Variants in SLC5A12 observed in about 807,000 individuals in gnomAD.
SLC5A12 encodes the protein solute carrier family 5 member 12.
A neutral mutation model predicts 72.7 loss-of-function variants in SLC5A12; 46 were observed. That is an observed-to-expected ratio of 0.63 (90% CI 0.50 to 0.81). The LOEUF is 0.81. SLC5A12 is among the 30% of genes least tolerant of loss of function. SLC5A12 has a pLI of 0.00. For missense variants in SLC5A12, 683 were observed against 740.7 expected (o/e 0.92, Z 0.90); for synonymous variants, 275 against 264.4 (o/e 1.04, Z -0.39).
At chr11:26,712,749 TA>T in intron 1 of SLC5A12, 43 bp from the exon 2 acceptor site, 1 of 1,423,592 alleles carries the variant, frequency 7.0e-7, no homozygotes, top group Non-Finnish European at 9.8e-7. Flanking sequence ...GAGGTTTAGA[TA>T]AGAACTGCTA....
chr11:26,697,031 G>A (rs762771811), intron 8 of SLC5A12, 133 bp downstream of exon 8: 6 of 738,918 alleles, frequency 8.1e-6, no homozygotes, highest in Non-Finnish European at 1.4e-5. Context: ...ACCAATTAAT[G>A]AGCAAATACA....
rs762589598 is a variant in SLC5A12 at position 26,678,816 on chromosome 11, C to G, written c.1476-1G>C. On this transcript the variant is annotated splice_acceptor_variant, in intron 12 of 14. Coordinates refer to ENST00000396005, the MANE Select transcript of SLC5A12 (RefSeq NM_178498.4). LOFTEE classifies it high-confidence loss of function. ...GTACCAGGTATCAGCTATTCCAGGT[C>G]TGTGGAGAACAGCACATGTCACCAA... 1.2e-6 allele frequency: 2 copies of G among 1,602,942 alleles called. No homozygotes were observed. The highest frequency in any genetic ancestry group is 1.7e-6 in the Non-Finnish European group (2 of 1,171,008).
chr11:26,681,240 G>A lies in SLC5A12; in HGVS notation c.1309-19C>T. 6.5e-7 allele frequency: 1 copy of A among 1,539,026 alleles called. No individual in the cohort carries two copies. Among genetic ancestry groups the A allele is most frequent in the South Asian group, 1.2e-5 (1 of 80,684 alleles). ...GTGCACCCTGGATGAAGAAGAAAAA[G>A]GTTAATGGGAAATTTGGCAAAGCTG... On this transcript the variant is annotated intron_variant, in intron 11 of 14. Transcript: ENST00000396005.
chr11:26,676,458 A>G (rs12420230), intron 13 of SLC5A12, among the ~76,000 whole-genome samples: 13,225 of 152,090 alleles, frequency 0.087, 783 homozygotes, highest in Admixed American at 0.2. Flanking sequence ...ATAACTAAAG[A>G]TTTTATATCT....
At chr11:26,708,324 T>C (rs969999828) in intron 4 of SLC5A12, among the ~76,000 whole-genome samples, 1 of 151,994 alleles carries the variant, frequency 6.6e-6, no homozygotes, top group African/African-American at 2.4e-5. Context: ...GAGTCTATTC[T>C]TTTAGCATAG....
At chr11:26,712,452 T>A (rs1275197035) in intron 2 of SLC5A12, among the ~76,000 whole-genome samples, 189 bp downstream of exon 2, 1 of 152,120 alleles carries the variant, frequency 6.6e-6, no homozygotes, top group African/African-American at 2.4e-5. Context: ...ACGGCTTTTT[T>A]TCCCTTTGTG....
At chr11:26,686,639 G>C in intron 9 of SLC5A12, 95 bp from the exon 10 acceptor site, 4 of 1,107,652 alleles carry the variant, frequency 3.6e-6, no homozygotes, top group Middle Eastern at 4.0e-4. Flanking sequence ...TCTGATCCAA[G>C]CCCTTTGCAA....
intron 14 of SLC5A12, 69 bp from the exon 15 acceptor site, chr11:26,671,320 C>T: frequency 1.5e-6 from 2 of 1,376,336 alleles, no homozygotes; most frequent in South Asian, 1.5e-5. Flanking sequence ...CTGAGAGAAT[C>T]TTGTTTAGGC....
chr11:26,678,552 G>A (rs12793773), intron 13 of SLC5A12, among the ~76,000 whole-genome samples, 160 bp downstream of exon 13: 50,619 of 151,746 alleles, frequency 0.33, 8,940 homozygotes, highest in East Asian at 0.42. Flanking sequence ...AATAATGAAG[G>A]GTGCCTTTGT....
At chr11:26,681,657 C>T (rs1032157922) in intron 11 of SLC5A12, among the ~76,000 whole-genome samples, 5 of 152,022 alleles carry the variant, frequency 3.3e-5, no homozygotes, top group African/African-American at 4.8e-5. Flanking sequence ...CAGCAGAGTC[C>T]CCTGACTCCC....
At chr11:26,684,018 G>A (rs932898202) in intron 10 of SLC5A12, among the ~76,000 whole-genome samples, 175 bp from the exon 11 acceptor site, 3 of 136,206 alleles carry the variant, frequency 2.2e-5, no homozygotes, top group African/African-American at 8.1e-5. Context: ...GATAAGCACT[G>A]TATTTATGTA....
chr11:26,676,366 A>C (rs1394860060), intron 13 of SLC5A12, among the ~76,000 whole-genome samples: 57 of 124,716 alleles, frequency 4.6e-4, no homozygotes, highest in African/African-American at 6.6e-4. Context: ...AAACAAAAAA[A>C]AAAAAAAAAA....
intron 10 of SLC5A12, among the ~76,000 whole-genome samples, chr11:26,685,779 C>G (rs1854518321): frequency 6.6e-6 from 1 of 152,204 alleles, no homozygotes; most frequent in Non-Finnish European, 1.5e-5. Context: ...AGTTTTTCCA[C>G]TAACTGTGAG....
intron 11 of SLC5A12, among the ~76,000 whole-genome samples, chr11:26,682,772 T>G (rs1269635924): frequency 6.6e-6 from 1 of 152,184 alleles, no homozygotes; most frequent in Non-Finnish European, 1.5e-5. Context: ...TCATATTTTT[T>G]GTGGCTAGGA....
intron 9 of SLC5A12, among the ~76,000 whole-genome samples, chr11:26,687,407 C>T (rs1039888331): frequency 2.0e-5 from 3 of 152,108 alleles, no homozygotes; most frequent in African/African-American, 7.2e-5. Context: ...TCTTTTTGAG[C>T]ATTCTCTGTC....
chr11:26,673,022 C>T (rs1854179318), intron 14 of SLC5A12, among the ~76,000 whole-genome samples: 1 of 152,134 alleles, frequency 6.6e-6, no homozygotes, highest in African/African-American at 2.4e-5. Context: ...GGACATGGAA[C>T]CAGGATTAAT....
intron 8 of SLC5A12, 88 bp downstream of exon 8, chr11:26,697,076 G>A: frequency 9.1e-7 from 1 of 1,102,974 alleles, no homozygotes; most frequent in Non-Finnish European, 1.4e-6. Flanking sequence ...TACACACAGT[G>A]AGTGCTTGCT....
intron 9 of SLC5A12, among the ~76,000 whole-genome samples, chr11:26,691,327 A>T (rs1854666574): frequency 6.6e-6 from 1 of 152,150 alleles, no homozygotes; most frequent in Admixed American, 6.6e-5. Context: ...ATACTTATTG[A>T]TTCACTACTA....
At chr11:26,685,913 G>A (rs1275286349) in intron 10 of SLC5A12, among the ~76,000 whole-genome samples, 3 of 152,078 alleles carry the variant, frequency 2.0e-5, no homozygotes, top group Non-Finnish European at 1.5e-5. Context: ...TTGTGAGTTC[G>A]GCTTGGATGA....
Sources: allele counts gnomAD v4.1 joint callset (sites outside exome capture counted in the v4.1 genomes callset), GRCh38; gene constraint gnomAD v4.1.1; transcripts MANE v1.5; gene names NCBI Gene and HGNC (gene_info 2026-07-23, HGNC 2026-07-21).